The following PPP2CA variants were observed in gnomAD, a reference collection of about 807,000 sequenced individuals.
The protein encoded by PPP2CA is serine/threonine-protein phosphatase 2A catalytic subunit alpha isoform.
In PPP2CA, 5 loss-of-function variants were observed where a neutral mutation model predicts 38.8. That is an observed-to-expected ratio of 0.13 (90% CI 0.07 to 0.27). The LOEUF (loss-of-function observed/expected upper bound fraction) is 0.27, where lower values mean the gene tolerates loss of function less well. Ranked by LOEUF, PPP2CA falls within the 10% of genes least tolerant of loss-of-function variation. The pLI is 1.00. For missense variants in PPP2CA, 88 were observed against 389.7 expected (o/e 0.23, Z 6.52); for synonymous variants, 152 against 134.0 (o/e 1.13, Z -0.93).
At chr5:134,205,884 A>T in intron 2 of PPP2CA, 38 bp downstream of exon 2, 1 of 1,552,674 alleles carries the variant, frequency 6.4e-7, no homozygotes, top group Non-Finnish European at 8.9e-7. Flanking sequence ...GGACTGTCTT[A>T]CCCATTTCAA....
chr5:134,202,327 T>G, intron 2 of PPP2CA: 1 of 245,764 alleles, frequency 4.1e-6, no homozygotes, highest in Non-Finnish European at 7.7e-6. Context: ...AATTTATAGT[T>G]ATGCAACAAT....
chr5:134,205,101 T>C (rs1348209785), intron 2 of PPP2CA, among the ~76,000 whole-genome samples: 2 of 151,874 alleles, frequency 1.3e-5, no homozygotes, highest in Non-Finnish European at 2.9e-5. Context: ...CTCGGTTAAT[T>C]ATTATTATTT....
intron 6 of PPP2CA, among the ~76,000 whole-genome samples, chr5:134,198,219 T>C (rs370995690): frequency 2.6e-5 from 4 of 151,626 alleles, no homozygotes; most frequent in East Asian, 3.9e-4. Flanking sequence ...TGAAACCCCA[T>C]ATCTACTAAA....
intron 1 of PPP2CA, chr5:134,224,459 G>T (rs866065263): frequency 1.3e-4 from 46 of 357,864 alleles, no homozygotes; most frequent in Non-Finnish European, 2.1e-4. Context: ...AAACATATAC[G>T]TCAAACTCAT....
rs886418791 is a variant in PPP2CA at position 134,205,804 on chromosome 5, T to C, written c.312+118A>G. 4.7e-6 allele frequency: 4 copies of C among 854,288 alleles called. No homozygotes were observed. The African/African-American group carries it at 6.8e-5, about 15-fold the overall frequency. 52.9% of individuals were successfully genotyped at this position (854,288 alleles called of 1,614,324 possible). On this transcript the variant is annotated intron_variant, in intron 2 of 6. Coordinates refer to ENST00000481195, the MANE Select transcript of PPP2CA (RefSeq NM_002715.4). ...TAAGTCCAAAACCTGAACATATGCA[T>C]TCCTAAATGTGGAATTTTGTTTTAA...
At chr5:134,207,151 C>T (rs112668250) in intron 1 of PPP2CA, among the ~76,000 whole-genome samples, 1,755 of 152,268 alleles carry the variant, frequency 0.012, 33 homozygotes, top group African/African-American at 0.038. Flanking sequence ...CACCTGTAAT[C>T]CCAGCACTTT....
At chr5:134,198,783 C>G (rs1761913573) in intron 6 of PPP2CA, among the ~76,000 whole-genome samples, 1 of 152,172 alleles carries the variant, frequency 6.6e-6, no homozygotes, top group Non-Finnish European at 1.5e-5. Flanking sequence ...TCAGGCTTGT[C>G]TCGAACTCCT....
At chr5:134,200,777 G>A (rs1476487351) in intron 4 of PPP2CA, among the ~76,000 whole-genome samples, 1 of 152,206 alleles carries the variant, frequency 6.6e-6, no homozygotes, top group African/African-American at 2.4e-5. Context: ...AGACAACCCA[G>A]GTCCTAATAA....
chr5:134,223,914 G>T (rs1762500793), intron 1 of PPP2CA, among the ~76,000 whole-genome samples: 1 of 152,206 alleles, frequency 6.6e-6, no homozygotes, highest in Non-Finnish European at 1.5e-5. Flanking sequence ...AAACGGAATT[G>T]ACTGTATAAT....
chr5:134,202,934 T>C (rs943141776), intron 2 of PPP2CA, among the ~76,000 whole-genome samples: 4 of 152,234 alleles, frequency 2.6e-5, no homozygotes, highest in African/African-American at 9.6e-5. Flanking sequence ...TGTGAAGTAG[T>C]AACTCAGTTA....
intron 1 of PPP2CA, among the ~76,000 whole-genome samples, chr5:134,221,413 C>A (rs1287589391): frequency 6.6e-6 from 1 of 152,004 alleles, no homozygotes; most frequent in Non-Finnish European, 1.5e-5. Context: ...CCTTGCCCTG[C>A]TGAAAAGAGG....
At position 134,200,830 on chromosome 5, in the gene PPP2CA, G is replaced by A. The variant is rs533380216; in HGVS notation, c.576+155C>T. On this transcript the variant is annotated intron_variant, in intron 4 of 6. Transcript: ENST00000481195. ...TTGTGATCTTGGCAGGTTTCTTAAT[G>A]TCAGCTTCTTTTGAACAACAGGGCA... The A allele has an allele frequency of 1.0e-4, 72 of 687,084 alleles. 1 individual carries two copies. The East Asian group carries it at 1.2e-3, about 11-fold the overall frequency. The allele number at this position is 687,084 out of a possible 1,614,324, so 42.6% of individuals were successfully genotyped here.
intron 1 of PPP2CA, among the ~76,000 whole-genome samples, chr5:134,208,701 T>G (rs1342626995): frequency 6.6e-6 from 1 of 152,186 alleles, no homozygotes; most frequent in South Asian, 2.1e-4. Context: ...TAGCTATCAT[T>G]TTCACACCAT....
chr5:134,225,722 GC>G, intron 1 of PPP2CA, 37 bp downstream of exon 1: 1 of 1,574,598 alleles, frequency 6.4e-7, no homozygotes, highest in East Asian at 2.3e-5. Flanking sequence ...GGCGGGCTCG[GC>G]CCCGCGGCGG....
intron 1 of PPP2CA, among the ~76,000 whole-genome samples, chr5:134,216,296 G>C (rs905968163): frequency 2.6e-5 from 4 of 152,036 alleles, no homozygotes; most frequent in African/African-American, 9.7e-5. Context: ...CAGCACTTCG[G>C]GAGGCCAGGG....
At chr5:134,203,590 A>G (rs983180510) in intron 2 of PPP2CA, 1 of 152,178 alleles carries the variant, frequency 6.6e-6, no homozygotes, top group African/African-American at 2.4e-5. Flanking sequence ...CTTACACTGG[A>G]TTAGGGTCCA....
At chr5:134,222,298 G>A (rs1201532418) in intron 1 of PPP2CA, among the ~76,000 whole-genome samples, 1 of 152,074 alleles carries the variant, frequency 6.6e-6, no homozygotes, top group Non-Finnish European at 1.5e-5. Flanking sequence ...CTAGAGAAAT[G>A]AGCCAAACAC....
Position 134,200,945 on chromosome 5 carries a change from A to G in PPP2CA, c.576+40T>C, listed in dbSNP as rs373096147. On this transcript the variant is annotated intron_variant, in intron 4 of 6. Coordinates refer to ENST00000481195, the MANE Select transcript of PPP2CA (RefSeq NM_002715.4). ...TACAATTAAACTTCTCCACTCCCTAATAAGTTTTCTGAAAGAATTTTATCA... is the reference window on the plus strand; with the variant it reads ...TACAATTAAACTTCTCCACTCCCTAGTAAGTTTTCTGAAAGAATTTTATCA... 4.0e-5 allele frequency: 60 copies of G among 1,492,862 alleles called. No individual in the cohort carries two copies. In the Middle Eastern group the frequency reaches 8.6e-4, roughly 21 times the overall value. The allele number at this position is 1,492,862 out of a possible 1,614,324, so 92.5% of individuals were successfully genotyped here.
chr5:134,214,165 G>A (rs545328116), intron 1 of PPP2CA, among the ~76,000 whole-genome samples: 3 of 152,120 alleles, frequency 2.0e-5, no homozygotes, highest in East Asian at 3.9e-4. Flanking sequence ...AAAATTAAAA[G>A]GTTAAGATTT....
Sources: gnomAD v4.1 joint callset for allele counts (sites outside exome capture counted in the v4.1 genomes callset) on GRCh38, gnomAD v4.1.1 for gene constraint, MANE v1.5 for transcripts, NCBI Gene and HGNC (gene_info 2026-07-23, HGNC 2026-07-21) for gene names.